The following DNAH6 variants were observed in gnomAD, a reference collection of about 807,000 sequenced individuals.
DNAH6 encodes the protein axonemal beta dynein heavy chain 6.
In DNAH6, 340 loss-of-function variants were observed where a neutral mutation model predicts 491.4. The ratio of observed to expected loss-of-function variants is 0.69; its 90% CI spans 0.63 to 0.76. DNAH6 has a LOEUF of 0.76. Ranked by LOEUF, DNAH6 falls within the 30% of genes least tolerant of loss-of-function variation. The probability of loss-of-function intolerance (pLI) is 0.00; values close to 1 mark genes in which losing one functional copy is unlikely to be tolerated. For missense variants in DNAH6, 4,443 were observed against 4,972.2 expected (o/e 0.89, Z 3.20); for synonymous variants, 1,603 against 1,686.1 (o/e 0.95, Z 1.21).
At chr2:84,480,152 G>T in the DNAH6 span, among the ~76,000 whole-genome samples, 4 of 152,158 alleles carry the variant, frequency 2.6e-5, no homozygotes, top group Non-Finnish European at 4.4e-5. Flanking sequence ...AAAATTATGT[G>T]CTGCTTCATT....
Position 84,710,253 on chromosome 2 carries a change from A to T in DNAH6, c.9253-34A>T, listed in dbSNP as rs756132112. 1.7e-5 allele frequency: 26 copies of T among 1,541,236 alleles called. 1 individual carries two copies. The Middle Eastern group carries it at 5.0e-4, about 30-fold the overall frequency. ...CTTTCTAGCCATTTATTATGCTCTG[A>T]AGCAAATGTTCTGCTCTGTGCTTTT... On this transcript the variant is annotated intron_variant, in intron 55 of 76. Transcript: ENST00000389394.
At chr2:84,736,431 G>A (rs538016917) in intron 62 of DNAH6, among the ~76,000 whole-genome samples, 9 of 152,158 alleles carry the variant, frequency 5.9e-5, no homozygotes, top group East Asian at 3.9e-4. Flanking sequence ...AGATTGCTTC[G>A]GATAGCATAG....
chr2:84,568,406 C>A (rs1681440829), intron 11 of DNAH6, among the ~76,000 whole-genome samples: 1 of 152,086 alleles, frequency 6.6e-6, no homozygotes, highest in Non-Finnish European at 1.5e-5. Flanking sequence ...AGAATGAGAT[C>A]ATGTCCTTTG....
rs1683840921 is a variant in DNAH6 at position 84,589,062 on chromosome 2, A to G, written c.2610+108A>G. 4 of 1,049,246 alleles carry G rather than the reference A, an allele frequency of 3.8e-6. No homozygotes were observed. The South Asian group carries it at 6.6e-5, about 17-fold the overall frequency. 65.0% of individuals were successfully genotyped at this position (1,049,246 alleles called of 1,614,324 possible). Reference sequence around the variant, plus strand: ...GTAAACATTCAATATTTGGACAACTATGTGCTAGTCAGCATGCTACAAATA... The same window carrying G: ...GTAAACATTCAATATTTGGACAACTGTGTGCTAGTCAGCATGCTACAAATA... On this transcript the variant is annotated intron_variant, in intron 16 of 76. Coordinates refer to ENST00000389394, the MANE Select transcript of DNAH6 (RefSeq NM_001370.2).
Position 84,584,062 on chromosome 2 carries a change from C to A in DNAH6, c.2293C>A (p.Gln765Lys). The A allele has an allele frequency of 1.2e-6, 2 of 1,614,164 alleles. No individual in the cohort carries two copies. Among genetic ancestry groups the A allele is most frequent in the Non-Finnish European group, 1.7e-6 (2 of 1,180,008 alleles). ...AATGTACAAGCTTATGGAACAATAT[C>A]AGGTGCCCACACCTCCTGAAGACTT... ...TQMYKLMEQY[Q>K]VPTPPEDFAV... Residue 765 changes from glutamine to lysine, a missense_variant, in exon 15 of 77, where the codon CAG becomes AAG. By Grantham distance (53) the Gln-to-Lys change is moderately conservative. Around this residue, in one of 3 missense-constraint regions of DNAH6, gnomAD observed 2,977 missense variants for 3,296.6 expected, o/e 0.90. Transcript: ENST00000389394.
rs767832118 is a variant in DNAH6, at chr2:84,812,476, C to T, written c.11875C>T (p.Pro3959Ser). 1 of 1,551,742 alleles carries T rather than the reference C, an allele frequency of 6.4e-7. No homozygotes were observed. The highest frequency in any genetic ancestry group is 1.2e-5 in the South Asian group (1 of 84,060). Residue 3959 changes from proline (P) to serine (S), a missense_variant, in exon 73 of 77, where the codon CCA (proline) becomes TCA (serine). Physicochemically the swap from Pro to Ser is moderately conservative, Grantham distance 74 (BLOSUM62 -1). Around this residue, in one of 3 missense-constraint regions of DNAH6, gnomAD observed 1,463 missense variants for 1,656.6 expected, o/e 0.88. Coordinates refer to ENST00000389394, the MANE Select transcript of DNAH6 (RefSeq NM_001370.2). Reference protein sequence around the residue: ...WSNTAYPSLKPLGSWVKDLIL... With the variant: ...WSNTAYPSLKSLGSWVKDLIL... ...CAACACAGCCTACCCATCCCTGAAG[C>T]CACTAGGATCATGGGTCAAAGACCT...
rs1228651624 is a variant in DNAH6, at chr2:84,701,140, C to T, written c.7862C>T (p.Ser2621Leu). 1.9e-6 allele frequency: 3 copies of T among 1,551,788 alleles called. No homozygotes were observed. The highest frequency in any genetic ancestry group is 2.0e-5 in the Admixed American group (1 of 50,990). The change falls in exon 49 of 77, where the codon TCA (serine) becomes TTA (leucine). Residue 2621 changes from serine (S) to leucine (L), a missense_variant. Transcript: ENST00000389394. Reference protein sequence around the residue: ...ALLSVSKTFFSQVDAGNEELK... With the variant: ...ALLSVSKTFFLQVDAGNEELK... ...CTTTCTGTGTCAAAGACATTTTTCT[C>T]ACAAGTCGATGCTGGAAATGAAGAA...
At position 84,617,507 on chromosome 2, in the gene DNAH6, TG is replaced by T. The variant is rs367776028; in HGVS notation, c.3572+526del. ...AGTCTTATTCATTCTTCCTATTTTT[TG>T]TACCCATTAAATATCCCCACCTCCC... On this transcript the variant is annotated intron_variant, in intron 23 of 76. Coordinates refer to ENST00000389394, the MANE Select transcript of DNAH6 (RefSeq NM_001370.2). Among the ~76,000 whole-genome samples the T allele has an allele frequency of 7.0e-4, 107 of 152,240 alleles. 1 individual carries two copies. Among genetic ancestry groups the T allele is most frequent in the African/African-American group, 2.4e-3 (101 of 41,558 alleles).
chr2:84,676,600 A>AC (rs939431777), intron 40 of DNAH6, among the ~76,000 whole-genome samples: 2 of 152,192 alleles, frequency 1.3e-5, no homozygotes, highest in Non-Finnish European at 2.9e-5. Flanking sequence ...CAGAAACCTA[A>AC]CCCTAGGAGC....
chr2:84,793,461 A>G (rs2105272687), intron 68 of DNAH6, among the ~76,000 whole-genome samples: 1 of 152,100 alleles, frequency 6.6e-6, no homozygotes, highest in East Asian at 1.9e-4. Flanking sequence ...TTTAGTTAGA[A>G]ACTTATTTTA....
At chr2:84,601,487 T>G (rs187956787) in intron 18 of DNAH6, among the ~76,000 whole-genome samples, 383 of 152,220 alleles carry the variant, frequency 2.5e-3, no homozygotes, top group Non-Finnish European at 4.2e-3. Flanking sequence ...TCTGATAAGA[T>G]TCCTTGTTCT....
chr2:84,548,874 C>A (rs567395109), intron 8 of DNAH6, among the ~76,000 whole-genome samples: 2 of 152,330 alleles, frequency 1.3e-5, no homozygotes, highest in East Asian at 1.9e-4. Flanking sequence ...CGCAGTACAG[C>A]AGACTGTGGC....
chr2:84,759,084 T>A (rs1471518416), intron 63 of DNAH6, among the ~76,000 whole-genome samples: 5 of 152,072 alleles, frequency 3.3e-5, no homozygotes, highest in African/African-American at 9.6e-5. Context: ...TTAAATTTGA[T>A]AAATGAATTT....
chr2:84,695,015 C>T (rs866358512), intron 46 of DNAH6, among the ~76,000 whole-genome samples: 4 of 151,434 alleles, frequency 2.6e-5, no homozygotes, highest in South Asian at 2.1e-4. Flanking sequence ...AATTAGCCAA[C>T]GAATAAAAAA....
intron 11 of DNAH6, among the ~76,000 whole-genome samples, chr2:84,558,800 G>T (rs1361660263): frequency 6.6e-6 from 1 of 152,162 alleles, no homozygotes; most frequent in Non-Finnish European, 1.5e-5. Flanking sequence ...AGAAGGTAAA[G>T]AAACAAGCAT....
chr2:84,553,495 C>T (rs1302897267), intron 10 of DNAH6, among the ~76,000 whole-genome samples: 1 of 148,792 alleles, frequency 6.7e-6, no homozygotes, highest in Non-Finnish European at 1.5e-5. Context: ...CAGGGATTCA[C>T]TCTGTCACCC....
the DNAH6 span, among the ~76,000 whole-genome samples, chr2:84,493,706 G>A: frequency 2.6e-5 from 4 of 152,172 alleles, no homozygotes; most frequent in South Asian, 2.1e-4. Context: ...AGAAGGAATC[G>A]GCGCCAGAAG....
intron 4 of DNAH6, among the ~76,000 whole-genome samples, chr2:84,534,130 A>T (rs917513598): frequency 2.0e-5 from 3 of 152,076 alleles, no homozygotes; most frequent in African/African-American, 7.2e-5. Flanking sequence ...CTGAGTGAGT[A>T]TCAAATGCCC....
Position 84,549,910 on chromosome 2 carries a change from T to C in DNAH6, c.1338T>C (p.Tyr446=). 1.2e-6 allele frequency: 2 copies of C among 1,610,504 alleles called. No homozygotes were observed. The highest frequency in any genetic ancestry group is 1.7e-6 in the Non-Finnish European group (2 of 1,178,456). ...CAAGCTTTATTCGTCTAAACGACTA[T>C]CTAATTGAGAACACAATGCACATCT... The part of the protein sequence containing the change: ...RLTCFIRLND[Y]LIENTMHILT... The change falls in exon 9 of 77, where the codon TAT becomes TAC. Residue 446 remains tyrosine, a synonymous_variant. Transcript: ENST00000389394.
Sources: allele counts gnomAD v4.1 joint callset (sites outside exome capture counted in the v4.1 genomes callset), GRCh38; gene constraint gnomAD v4.1.1; regional missense constraint gnomAD v4.1.1; transcripts MANE v1.5; gene names NCBI Gene and HGNC (gene_info 2026-07-23, HGNC 2026-07-21).